Variants in SPEF2 observed in about 807,000 individuals in gnomAD.
The protein encoded by SPEF2 is sperm flagella and cilia-associated protein 2.
Under a neutral mutation model 224.6 loss-of-function variants are expected in SPEF2, and 187 were observed. The observed-to-expected ratio is 0.83, with a 90% CI of 0.74 to 0.94. SPEF2 has a LOEUF of 0.94. Among genes scored for constraint, SPEF2 ranks in the 40% least tolerant of loss-of-function variants. The probability of loss-of-function intolerance (pLI) is 0.00; values close to 1 mark genes in which losing one functional copy is unlikely to be tolerated. For missense variants in SPEF2, 2,170 were observed against 2,135.6 expected, an observed-to-expected ratio of 1.02 and a Z score of -0.32; for synonymous variants, 715 against 707.3, an observed-to-expected ratio of 1.01 and a Z score of -0.17.
At chr5:35,686,330 A>G (rs1753616281) in intron 10 of SPEF2, among the ~76,000 whole-genome samples, 1 of 152,118 alleles carries the variant, frequency 6.6e-6, no homozygotes, top group African/African-American at 2.4e-5. Context: ...AATATAAATT[A>G]CATGTATTTC....
intron 36 of SPEF2, among the ~76,000 whole-genome samples, chr5:35,810,916 C>T (rs1270209445): frequency 6.6e-6 from 1 of 152,126 alleles, no homozygotes; most frequent in African/African-American, 2.4e-5. Flanking sequence ...CACACCTCTT[C>T]CTGGTCACTC....
At chr5:35,650,533 G>A (rs1467074755) in intron 6 of SPEF2, among the ~76,000 whole-genome samples, 3 of 152,174 alleles carry the variant, frequency 2.0e-5, no homozygotes, top group Admixed American at 2.0e-4. Flanking sequence ...CCACCAGAAA[G>A]ACCATCTTAA....
At chr5:35,800,323 G>A (rs138646030) in intron 34 of SPEF2, among the ~76,000 whole-genome samples, 176 bp downstream of exon 34, 2 of 152,006 alleles carry the variant, frequency 1.3e-5, no homozygotes, top group East Asian at 3.9e-4. Flanking sequence ...TAAGACCTGG[G>A]GACCCAATTG....
chr5:35,773,125 C>T (rs1309919225), intron 27 of SPEF2, among the ~76,000 whole-genome samples: 1 of 152,124 alleles, frequency 6.6e-6, no homozygotes, highest in African/African-American at 2.4e-5. Context: ...ACACCTGTAA[C>T]CCTGCACTTT....
chr5:35,629,813 C>T (rs1744827687), intron 2 of SPEF2, among the ~76,000 whole-genome samples: 1 of 152,196 alleles, frequency 6.6e-6, no homozygotes, highest in South Asian at 2.1e-4. Flanking sequence ...CATTTTGTGA[C>T]TGGCTTCTTC....
intron 20 of SPEF2, among the ~76,000 whole-genome samples, chr5:35,715,979 A>G (rs1348043471): frequency 6.6e-6 from 1 of 152,022 alleles, no homozygotes; most frequent in Admixed American, 6.6e-5. Flanking sequence ...GAAATGCAGT[A>G]TGCATGCATG....
intron 16 of SPEF2, among the ~76,000 whole-genome samples, chr5:35,703,599 G>C: frequency 6.6e-6 from 1 of 152,004 alleles, no homozygotes; most frequent in Non-Finnish European, 1.5e-5. Context: ...CCTGGGGCTT[G>C]GGGGTTGGGA....
chr5:35,634,477 A>G (rs563558649), intron 2 of SPEF2, among the ~76,000 whole-genome samples: 24 of 152,254 alleles, frequency 1.6e-4, no homozygotes, highest in Admixed American at 6.5e-4. Flanking sequence ...GTCTAGGTGT[A>G]GATATCTTTG....
At chr5:35,622,842 A>G (rs972203034) in intron 1 of SPEF2, among the ~76,000 whole-genome samples, 7 of 152,236 alleles carry the variant, frequency 4.6e-5, no homozygotes, top group Non-Finnish European at 1.0e-4. Flanking sequence ...GCTTCAAGAA[A>G]AGACTGATGC....
chr5:35,733,480 A>C (rs2149672981), intron 21 of SPEF2, among the ~76,000 whole-genome samples: 1 of 152,308 alleles, frequency 6.6e-6, no homozygotes, highest in East Asian at 1.9e-4. Flanking sequence ...AGAATATCAA[A>C]AAAGGCCCTC....
At chr5:35,674,155 T>G (rs956408133) in intron 10 of SPEF2, among the ~76,000 whole-genome samples, 2 of 152,106 alleles carry the variant, frequency 1.3e-5, no homozygotes, top group Non-Finnish European at 2.9e-5. Flanking sequence ...CACTATAGAC[T>G]GGGTGGCTTA....
At position 35,799,931 on chromosome 5, in the gene SPEF2, G is replaced by A. The variant is rs753180432; in HGVS notation, c.4831-37G>A. 6 of 1,608,980 alleles carry A rather than the reference G, an allele frequency of 3.7e-6. No individual in the cohort carries two copies. The East Asian group carries it at 1.1e-4, about 30-fold the overall frequency. On this transcript the variant is annotated intron_variant, in intron 33 of 36. Coordinates refer to ENST00000356031, the MANE Select transcript of SPEF2 (RefSeq NM_024867.4). ...ATGACTAACTACTGACTATGAGAGT[G>A]CACCCATTTTATCTTTGGAATTCTT...
Position 35,639,132 on chromosome 5 carries a change from A to G in SPEF2, c.162-2299A>G, listed in dbSNP as rs142702689. ...CCAGGGACAAGGCTTAACAATCTGA[A>G]CAGAGGGTAGATTTCATACTCTTGT... On this transcript the variant is annotated intron_variant, in intron 2 of 36. Coordinates refer to ENST00000356031, the MANE Select transcript of SPEF2 (RefSeq NM_024867.4). 3.3e-3 allele frequency among the ~76,000 whole-genome samples: 503 copies of G among 152,290 alleles called. 1 individual carries two copies. Among genetic ancestry groups the G allele is most frequent in the Non-Finnish European group, 6.0e-3 (410 of 68,014 alleles).
At chr5:35,643,001 C>T (rs1411544024) in intron 3 of SPEF2, among the ~76,000 whole-genome samples, 1 of 152,120 alleles carries the variant, frequency 6.6e-6, no homozygotes, top group African/African-American at 2.4e-5. Context: ...CTTCAATTTC[C>T]CCAACTGTAA....
At chr5:35,618,273 C>T (rs888904062) in intron 1 of SPEF2, among the ~76,000 whole-genome samples, 1 of 152,146 alleles carries the variant, frequency 6.6e-6, no homozygotes, top group African/African-American at 2.4e-5. Flanking sequence ...CAGGGCAAGG[C>T]CTTGTCACGT....
At chr5:35,766,793 G>A (rs4130605) in intron 26 of SPEF2, among the ~76,000 whole-genome samples, 15,909 of 151,460 alleles carry the variant, frequency 0.11, 1,223 homozygotes, top group African/African-American at 0.22. Flanking sequence ...TTCCTCTGTG[G>A]CTTACTTTAG....
At chr5:35,646,558 G>T (rs913151938) in intron 4 of SPEF2, 109 bp from the exon 5 acceptor site, 180 of 1,075,212 alleles carry the variant, frequency 1.7e-4, no homozygotes, top group Non-Finnish European at 2.2e-4. Flanking sequence ...CTAATTGCTG[G>T]GTTCTGAAAT....
In SPEF2 at chr5:35,704,793, T is replaced by G. The variant is rs1739404113; in HGVS notation, c.2507+131T>G. 6.4e-6 allele frequency: 4 copies of G among 626,732 alleles called. No homozygotes were observed. The East Asian group carries it at 1.2e-4, about 19-fold the overall frequency. 38.8% of individuals were successfully genotyped at this position (626,732 alleles called of 1,614,324 possible). A position where few individuals can be genotyped will look rare whatever the true frequency, so the allele number is the denominator to read the frequency against. On this transcript the variant is annotated intron_variant, in intron 17 of 36. Coordinates refer to ENST00000356031, the MANE Select transcript of SPEF2 (RefSeq NM_024867.4). ...CAATCTTTTACAGGTAAAAGAAGAC[T>G]AAGTAGTTTTGACAATAAGTGAAAT...
chr5:35,768,243 A>T (rs977982019), intron 26 of SPEF2, among the ~76,000 whole-genome samples: 3 of 152,168 alleles, frequency 2.0e-5, no homozygotes, highest in Non-Finnish European at 4.4e-5. Flanking sequence ...GTTAGTGACA[A>T]TGATGATCAT....
Sources: allele counts gnomAD v4.1 joint callset (sites outside exome capture counted in the v4.1 genomes callset), GRCh38; gene constraint gnomAD v4.1.1; transcripts MANE v1.5; gene names NCBI Gene and HGNC (gene_info 2026-07-23, HGNC 2026-07-21).